Variants in APOBEC3F observed in about 807,000 individuals in gnomAD.
APOBEC3F encodes apolipoprotein B mRNA editing enzyme catalytic subunit 3F, also known as DNA dC->dU-editing enzyme APOBEC-3F.
APOBEC3F carries 34 observed loss-of-function variants against 45.8 expected under a neutral mutation model. That is an observed-to-expected ratio of 0.74 (90% CI 0.57 to 0.99). The LOEUF is 0.99. Among genes scored for constraint, APOBEC3F ranks in the 50% least tolerant of loss-of-function variants. The pLI is 0.00. For missense variants in APOBEC3F, 459 were observed against 474.1 expected (o/e 0.97, Z 0.30); for synonymous variants, 192 against 174.4 (o/e 1.10, Z -0.80).
chr22:39,045,785 G>T (rs1012742515), intron 4 of APOBEC3F, among the ~76,000 whole-genome samples: 1 of 152,068 alleles, frequency 6.6e-6, no homozygotes, highest in Admixed American at 6.5e-5. Context: ...CTTCGAGGCC[G>T]CCCTCCCCAC....
chr22:39,049,752 T>G lies in APOBEC3F; in HGVS notation c.723+171T>G, dbSNP rs34370497. 6.9e-3 allele frequency among the ~76,000 whole-genome samples: 1,018 copies of G among 148,484 alleles called. 8 individuals are homozygous for G. The highest frequency in any genetic ancestry group is 0.024 in the African/African-American group (976 of 40,062). On this transcript the variant is annotated intron_variant, in intron 5 of 6. Coordinates refer to ENST00000308521, the MANE Select transcript of APOBEC3F (RefSeq NM_145298.6). ...TCTCACTCAGTCACCCAGGCTGGAG[T>G]GCAATGGCGTGATCTCTGCTCACTG...
At chr22:39,049,384 A>C in intron 4 of APOBEC3F, 41 bp from the exon 5 acceptor site, 1 of 1,606,084 alleles carries the variant, frequency 6.2e-7, no homozygotes, top group Non-Finnish European at 8.5e-7. Context: ...CGAGGAATCC[A>C]GGGGGGTCTC....
At chr22:39,049,695 A>AT in intron 5 of APOBEC3F, 114 bp downstream of exon 5, 2 of 1,121,120 alleles carry the variant, frequency 1.8e-6, no homozygotes, top group Non-Finnish European at 2.4e-6. Context: ...TTCCTCTTAC[A>AT]TTTCTTTTTT....
chr22:39,047,455 A>G (rs1008964728), intron 4 of APOBEC3F, among the ~76,000 whole-genome samples: 1 of 152,124 alleles, frequency 6.6e-6, no homozygotes, highest in African/African-American at 2.4e-5. Context: ...GCCCAGGACT[A>G]CCATCAGGGC....
chr22:39,044,466 T>A, intron 2 of APOBEC3F: 2 of 1,136,836 alleles, frequency 1.8e-6, no homozygotes, highest in Non-Finnish European at 2.3e-6. Context: ...ACCAGCAACT[T>A]TCCAGGGCCT....
At position 39,048,664 on chromosome 22, in the gene APOBEC3F, G is replaced by A. The variant is rs540960559; in HGVS notation, c.567-761G>A. Among the ~76,000 whole-genome samples, 8 of 152,240 alleles carry A rather than the reference G, an allele frequency of 5.3e-5. No individual in the cohort carries two copies. In the East Asian group the frequency reaches 9.6e-4, roughly 18 times the overall value. Reference sequence around the variant, plus strand: ...CTACTAAAAATACAAAAAATTAGCCGGGTGTTGTGGCACGTGCCTGCAGTC... The same window carrying A: ...CTACTAAAAATACAAAAAATTAGCCAGGTGTTGTGGCACGTGCCTGCAGTC... On this transcript the variant is annotated intron_variant, in intron 4 of 6. Transcript: ENST00000308521.
chr22:39,044,557 G>C (rs528138953), intron 2 of APOBEC3F: 4 of 532,806 alleles, frequency 7.5e-6, no homozygotes, highest in Admixed American at 3.8e-5. Flanking sequence ...CTGGGATGTC[G>C]AGTCACTGCT....
At chr22:39,050,332 G>T (rs1299767048) in intron 5 of APOBEC3F, among the ~76,000 whole-genome samples, 2 of 151,972 alleles carry the variant, frequency 1.3e-5, no homozygotes, top group Non-Finnish European at 2.9e-5. Context: ...TCACCCTGCC[G>T]CCCCCACAGC....
intron 5 of APOBEC3F, among the ~76,000 whole-genome samples, chr22:39,051,619 A>G (rs748729131): frequency 6.6e-6 from 1 of 152,100 alleles, no homozygotes; most frequent in Non-Finnish European, 1.5e-5. Context: ...CAATGAGTAA[A>G]AAGCCCTGGG....
chr22:39,042,020 G>T (rs970183288), intron 1 of APOBEC3F, among the ~76,000 whole-genome samples: 1 of 152,216 alleles, frequency 6.6e-6, no homozygotes, highest in Non-Finnish European at 1.5e-5. Context: ...GACAGGGCTG[G>T]TCTGGTAAGA....
intron 4 of APOBEC3F, among the ~76,000 whole-genome samples, chr22:39,047,274 G>C (rs1181945067): frequency 1.3e-5 from 2 of 152,130 alleles, no homozygotes; most frequent in African/African-American, 4.8e-5. Context: ...CGGGTGGGGG[G>C]CGTCCCTGGG....
At chr22:39,051,947 C>A in intron 5 of APOBEC3F, 127 bp from the exon 6 acceptor site, 1 of 1,396,276 alleles carries the variant, frequency 7.2e-7, no homozygotes, top group Non-Finnish European at 9.8e-7. Context: ...AGGAGAGACC[C>A]TGTCTCAAAA....
At chr22:39,049,239 G>C (rs577479783) in intron 4 of APOBEC3F, among the ~76,000 whole-genome samples, 186 bp from the exon 5 acceptor site, 30 of 152,260 alleles carry the variant, frequency 2.0e-4, no homozygotes, top group Admixed American at 4.6e-4. Context: ...TGTGGTTCCA[G>C]CTGGGAGAGG....
chr22:39,051,934 A>G lies in APOBEC3F; in HGVS notation c.724-140A>G, dbSNP rs34046674. The G allele has an allele frequency of 2.4e-3, 3,097 of 1,315,038 alleles. 57 individuals carry two copies. In the African/African-American group the frequency reaches 0.041, roughly 17 times the overall value. 81.5% of individuals were successfully genotyped at this position (1,315,038 alleles called of 1,614,324 possible). A position where few individuals can be genotyped will look rare whatever the true frequency, so the allele number is the denominator to read the frequency against. On this transcript the variant is annotated intron_variant, in intron 5 of 6. Coordinates refer to ENST00000308521, the MANE Select transcript of APOBEC3F (RefSeq NM_145298.6). ...CGCACCACTGCACCCCAGCCTGGGC[A>G]ACAGGAGAGACCCTGTCTCAAAAAT...
At chr22:39,047,102 G>A (rs2146345588) in intron 4 of APOBEC3F, among the ~76,000 whole-genome samples, 1 of 152,274 alleles carries the variant, frequency 6.6e-6, no homozygotes, top group African/African-American at 2.4e-5. Context: ...GGCAGGAGAT[G>A]TGGAAGGAAG....
At chr22:39,049,701 T>A in intron 5 of APOBEC3F, 120 bp downstream of exon 5, 12 of 213,452 alleles carry the variant, frequency 5.6e-5, no homozygotes, top group East Asian at 3.2e-4. Flanking sequence ...TTACATTTCT[T>A]TTTTTTTTTT....
chr22:39,052,828 T>C lies in APOBEC3F; in HGVS notation c.*133T>C, dbSNP rs1264748796. The C allele has an allele frequency of 2.0e-6, 3 of 1,475,126 alleles. No individual in the cohort carries two copies. The highest frequency in any genetic ancestry group is 2.7e-6 in the Non-Finnish European group (3 of 1,119,064). The allele number at this position is 1,475,126 out of a possible 1,614,324, so 91.4% of individuals were successfully genotyped here. ...CCCTCCTGGCCTCAGGGCCATTCCA[T>C]AGTGCTCCCCTGCCTCACCACCTCC... is the stretch of plus-strand genomic sequence containing the variant. On this transcript the variant is annotated 3_prime_UTR_variant, in exon 7 of 7. Transcript: ENST00000308521.
At chr22:39,051,815 G>A (rs755175249) in intron 5 of APOBEC3F, among the ~76,000 whole-genome samples, 2 of 152,160 alleles carry the variant, frequency 1.3e-5, no homozygotes, top group East Asian at 1.9e-4. Flanking sequence ...TTAGGCAGGC[G>A]TGGTGGCACG....
chr22:39,052,984 T>C lies in APOBEC3F; in HGVS notation c.*289T>C, dbSNP rs1927570825. The C allele has an allele frequency of 3.0e-6, 1 of 329,020 alleles. No individual in the cohort carries two copies. The highest frequency in any genetic ancestry group is 5.1e-5 in the Admixed American group (1 of 19,582). The allele number at this position is 329,020 out of a possible 1,614,324, so 20.4% of individuals were successfully genotyped here. On this transcript the variant is annotated 3_prime_UTR_variant, in exon 7 of 7. Transcript: ENST00000308521. ...CTTTTCCCATCTCCCCAGCATAACC[T>C]AATATTTTTTTTTTTTTTTTGAGAC... is the stretch of plus-strand genomic sequence containing the variant.
Sources: gnomAD v4.1 joint callset for allele counts (sites outside exome capture counted in the v4.1 genomes callset) on GRCh38, gnomAD v4.1.1 for gene constraint, MANE v1.5 for transcripts, NCBI Gene and HGNC (gene_info 2026-07-23, HGNC 2026-07-21) for gene names.